Variants in LEMD3 observed in about 807,000 individuals in gnomAD.
LEMD3 encodes the protein LEM domain containing 3, also known as inner nuclear membrane protein Man1.
In LEMD3, 33 loss-of-function variants were observed where a neutral mutation model predicts 95.2. That is an observed-to-expected ratio of 0.35 (90% CI 0.26 to 0.46). The LOEUF (loss-of-function observed/expected upper bound fraction) is 0.46. Ranked by LOEUF, LEMD3 falls within the 20% of genes least tolerant of loss-of-function variation. The pLI is 1.00. For missense variants in LEMD3, 1,210 were observed against 1,192.8 expected, an observed-to-expected ratio of 1.01 and a Z score of -0.21; for synonymous variants, 525 against 474.6, an observed-to-expected ratio of 1.11 and a Z score of -1.38.
At chr12:65,180,126 A>G (rs552412271) in intron 1 of LEMD3, among the ~76,000 whole-genome samples, 110 of 151,892 alleles carry the variant, frequency 7.2e-4, no homozygotes, top group African/African-American at 2.5e-3. Flanking sequence ...TGTATTTTTT[A>G]GTAGAGATGA....
chr12:65,176,224 G>A (rs181897886), intron 1 of LEMD3, among the ~76,000 whole-genome samples: 2 of 152,206 alleles, frequency 1.3e-5, no homozygotes, highest in Admixed American at 1.3e-4. Context: ...CTTAGTTATT[G>A]GCCAAAATCT....
At chr12:65,188,325 A>G (rs1869129923) in intron 1 of LEMD3, among the ~76,000 whole-genome samples, 1 of 152,150 alleles carries the variant, frequency 6.6e-6, no homozygotes, top group South Asian at 2.1e-4. Context: ...AGCCTAGTAA[A>G]CTTTAGGCAG....
intron 1 of LEMD3, among the ~76,000 whole-genome samples, chr12:65,203,693 T>C (rs932176417): frequency 6.6e-6 from 1 of 152,196 alleles, no homozygotes; most frequent in Non-Finnish European, 1.5e-5. Flanking sequence ...CTTACTGACT[T>C]TCTGCCTGCT....
chr12:65,221,670 T>C (rs1266018544), intron 4 of LEMD3, among the ~76,000 whole-genome samples: 3 of 152,034 alleles, frequency 2.0e-5, no homozygotes, highest in Non-Finnish European at 2.9e-5. Flanking sequence ...TGTCTAGTGC[T>C]ATGAGAGATA....
chr12:65,220,438 T>TGGG lies in LEMD3; in HGVS notation c.1695+1822_1695+1824dup, dbSNP rs1257053764. ...GGTTATTTATTTTGTTATTGAATTG[T>TGGG]GGGGGTTTCTTATGCATTTTGCATA... is the stretch of plus-strand genomic sequence containing the variant. On this transcript the variant is annotated intron_variant, in intron 4 of 12. Transcript: ENST00000308330. 3.9e-5 allele frequency among the ~76,000 whole-genome samples: 6 copies of TGGG among 152,364 alleles called. No homozygotes were observed. The East Asian group carries it at 9.6e-4, about 24-fold the overall frequency.
At position 65,170,209 on chromosome 12, in the gene LEMD3, C is replaced by T. The variant is rs1293514048; in HGVS notation, c.613C>T (p.Pro205Ser). The T allele has an allele frequency of 2.7e-6, 4 of 1,500,264 alleles. No homozygotes were observed. Among genetic ancestry groups the T allele is most frequent in the Non-Finnish European group, 3.6e-6 (4 of 1,123,740 alleles). The allele number at this position is 1,500,264 out of a possible 1,614,324, so 92.9% of individuals were successfully genotyped here. A position where few individuals can be genotyped will look rare whatever the true frequency, so the allele number is the denominator to read the frequency against. ...GTGGGGGGCCAGGAGGCCGGCGGGC[C>T]CCGAGCTGCAGACCCCGCCGGGGAA... ...SWWGARRPAG[P>S]ELQTPPGKDG... is the part of the protein sequence containing the mutation. Residue 205 changes from proline (P) to serine (S), a missense_variant, in exon 1 of 13, where the codon CCC becomes TCC. Coordinates refer to ENST00000308330, the MANE Select transcript of LEMD3 (RefSeq NM_014319.5).
At chr12:65,181,534 G>T (rs967934573) in intron 1 of LEMD3, among the ~76,000 whole-genome samples, 1 of 152,074 alleles carries the variant, frequency 6.6e-6, no homozygotes, top group African/African-American at 2.4e-5. Context: ...TTTATATATT[G>T]TGACTTGGGA....
chr12:65,189,476 G>A (rs748098885), intron 1 of LEMD3, among the ~76,000 whole-genome samples: 2 of 152,178 alleles, frequency 1.3e-5, no homozygotes, highest in Non-Finnish European at 2.9e-5. Context: ...GCATTTTGGT[G>A]AACTCCCTGA....
chr12:65,188,576 C>T (rs1218549427), intron 1 of LEMD3, among the ~76,000 whole-genome samples: 1 of 152,134 alleles, frequency 6.6e-6, no homozygotes, highest in Non-Finnish European at 1.5e-5. Context: ...TTTTGGTTTG[C>T]TTACAGAGGA....
chr12:65,190,491 C>T (rs1287666678), intron 1 of LEMD3, among the ~76,000 whole-genome samples: 1 of 152,128 alleles, frequency 6.6e-6, no homozygotes, highest in Non-Finnish European at 1.5e-5. Context: ...TCTCTGCAAC[C>T]CCTTCCTTTC....
chr12:65,194,509 A>G (rs1205219337), intron 1 of LEMD3, among the ~76,000 whole-genome samples: 2 of 152,018 alleles, frequency 1.3e-5, no homozygotes, highest in Non-Finnish European at 2.9e-5. Context: ...GTCTGCTTCT[A>G]GGTAGGGGCT....
chr12:65,219,358 T>C (rs1870211481), intron 4 of LEMD3, among the ~76,000 whole-genome samples: 1 of 152,244 alleles, frequency 6.6e-6, no homozygotes, highest in Non-Finnish European at 1.5e-5. Flanking sequence ...TAAAGATGGA[T>C]AAATGTCATT....
chr12:65,236,436 G>A (rs1441024497), intron 4 of LEMD3, among the ~76,000 whole-genome samples: 3 of 152,102 alleles, frequency 2.0e-5, no homozygotes, highest in Non-Finnish European at 2.9e-5. Flanking sequence ...TAGTATCACA[G>A]TTACTTGGGA....
intron 1 of LEMD3, among the ~76,000 whole-genome samples, chr12:65,205,649 T>TC (rs1438650364): frequency 6.6e-6 from 1 of 152,126 alleles, no homozygotes; most frequent in Non-Finnish European, 1.5e-5. Flanking sequence ...AATTGGGAGT[T>TC]CTGTAGGAGA....
At chr12:65,240,295 G>A (rs1870896241) in intron 8 of LEMD3, 57 bp downstream of exon 8, 4 of 1,258,460 alleles carry the variant, frequency 3.2e-6, no homozygotes, top group South Asian at 1.2e-5. Flanking sequence ...GCTTTCTGCA[G>A]TATTGAAAAT....
In LEMD3 at chr12:65,216,022, G is replaced by T; in HGVS notation, c.1606G>T (p.Asp536Tyr). ...GATGAACACATTATATAAGCTTCATGATCGATTGGCACAGCTTGCAGGTAA... is the reference window on the plus strand; with the variant it reads ...GATGAACACATTATATAAGCTTCATTATCGATTGGCACAGCTTGCAGGTAA... ...LMMNTLYKLH[D>Y]RLAQLAGDHE... Residue 536 changes from aspartate to tyrosine, a missense_variant, in exon 3 of 13, where the codon GAT becomes TAT. Physicochemically the swap from Asp to Tyr is radical, Grantham distance 160 (BLOSUM62 -3). Around this residue, in one of 2 missense-constraint regions of LEMD3, gnomAD observed 461 missense variants for 569.8 expected, o/e 0.81. Transcript: ENST00000308330. The T allele has an allele frequency of 6.3e-7, 1 of 1,592,740 alleles. No individual in the cohort carries two copies. The highest frequency in any genetic ancestry group is 1.1e-5 in the South Asian group (1 of 89,004).
At chr12:65,220,158 C>A (rs1387614973) in intron 4 of LEMD3, among the ~76,000 whole-genome samples, 1 of 152,120 alleles carries the variant, frequency 6.6e-6, no homozygotes, top group Non-Finnish European at 1.5e-5. Context: ...ATTTTACATT[C>A]TTTCCAATAG....
Position 65,176,161 on chromosome 12 carries a change from T to C in LEMD3, c.1522+5043T>C, listed in dbSNP as rs535617792. The stretch of plus-strand genomic sequence containing the variant: ...ATTTGTCAGTACAGAGCAGCGTTTC[T>C]AAAGCACAAATGTGATCATTCCCTC... On this transcript the variant is annotated intron_variant, in intron 1 of 12. Transcript: ENST00000308330. Among the ~76,000 whole-genome samples, 7 of 152,340 alleles carry C rather than the reference T, an allele frequency of 4.6e-5. No homozygotes were observed. The East Asian group carries it at 1.3e-3, about 29-fold the overall frequency.
rs551998812 is a variant in LEMD3 at position 65,221,630 on chromosome 12, C to G, written c.1695+3011C>G. 4.0e-5 allele frequency among the ~76,000 whole-genome samples: 6 copies of G among 151,562 alleles called. No individual in the cohort carries two copies. In the East Asian group the frequency reaches 1.2e-3, roughly 29 times the overall value. On this transcript the variant is annotated intron_variant, in intron 4 of 12. Transcript: ENST00000308330. ...TTTCTGATTTGGATGTTTTTTATTT[C>G]TTTTTCTTATCTAATTGCTTTGGCT...
Sources: gnomAD v4.1 joint callset for allele counts (sites outside exome capture counted in the v4.1 genomes callset) on GRCh38, gnomAD v4.1.1 for gene constraint, gnomAD v4.1.1 regional missense constraint, MANE v1.5 for transcripts, NCBI Gene and HGNC (gene_info 2026-07-23, HGNC 2026-07-21) for gene names.